Variants in ZSWIM6 observed in about 807,000 individuals in gnomAD.
ZSWIM6 encodes zinc finger SWIM domain-containing protein 6.
A neutral mutation model predicts 113.2 loss-of-function variants in ZSWIM6; 9 were observed. The observed-to-expected ratio is 0.08, with a 90% CI of 0.05 to 0.14. ZSWIM6 has a LOEUF of 0.14. Among genes scored for constraint, ZSWIM6 ranks in the 10% least tolerant of loss-of-function variants. The pLI, the probability that ZSWIM6 is intolerant of heterozygous loss-of-function variation, is 1.00. For missense variants in ZSWIM6, 1,162 were observed against 1,552.2 expected, an observed-to-expected ratio of 0.75 and a Z score of 4.22; for synonymous variants, 611 against 606.5, an observed-to-expected ratio of 1.01 and a Z score of -0.11.
At chr5:61,335,709 T>A (rs1744377159) in intron 1 of ZSWIM6, among the ~76,000 whole-genome samples, 1 of 152,246 alleles carries the variant, frequency 6.6e-6, no homozygotes, top group African/African-American at 2.4e-5. Flanking sequence ...GACTAAATTA[T>A]AGCTACAATA....
intron 1 of ZSWIM6, among the ~76,000 whole-genome samples, chr5:61,429,207 G>A (rs867020388): frequency 5.9e-5 from 9 of 152,322 alleles, no homozygotes; most frequent in Middle Eastern, 6.8e-3. Context: ...TCCCCTACAG[G>A]GGGTAGGGTT....
rs545183477 is a variant in ZSWIM6 at position 61,544,392 on chromosome 5, C to T, written c.*75C>T. On this transcript the variant is annotated 3_prime_UTR_variant, in exon 14 of 14. Transcript: ENST00000252744. ...TTTTTACTTGAGCCTGCCTTTGTAC[C>T]CTTTTTAACTTAAAGAACAGAGCCA... 9 of 1,029,608 alleles carry T rather than the reference C, an allele frequency of 8.7e-6. No homozygotes were observed. The South Asian group carries it at 1.4e-4, about 16-fold the overall frequency. 63.8% of individuals were successfully genotyped at this position (1,029,608 alleles called of 1,614,324 possible). A position where few individuals can be genotyped will look rare whatever the true frequency, so the allele number is the denominator to read the frequency against.
rs1460695319 is a variant in ZSWIM6 at position 61,435,687 on chromosome 5, CT to C, written c.677-36993del. Among the ~76,000 whole-genome samples the C allele has an allele frequency of 5.6e-4, 86 of 152,268 alleles. 2 individuals are homozygous for C. The highest frequency in any genetic ancestry group is 1.9e-3 in the African/African-American group (81 of 41,552). ...ACTGAGTTATGCATATTTTAAACAA[CT>C]GTTACGGATTACATTTTAAAATTAT... On this transcript the variant is annotated intron_variant, in intron 1 of 13. Transcript: ENST00000252744.
intron 1 of ZSWIM6, among the ~76,000 whole-genome samples, chr5:61,353,029 G>T (rs1744824795): frequency 6.6e-6 from 1 of 152,102 alleles, no homozygotes; most frequent in Non-Finnish European, 1.5e-5. Flanking sequence ...TTCCCCGTCT[G>T]TTGATCTGTG....
At chr5:61,378,558 TA>T (rs991853135) in intron 1 of ZSWIM6, among the ~76,000 whole-genome samples, 88 of 143,636 alleles carry the variant, frequency 6.1e-4, no homozygotes, top group Middle Eastern at 3.6e-3. Context: ...ACCTTTCAGA[TA>T]TTTTTTTTTT....
At chr5:61,523,750 T>C (rs1382688715) in intron 5 of ZSWIM6, among the ~76,000 whole-genome samples, 3 of 152,238 alleles carry the variant, frequency 2.0e-5, no homozygotes, top group Non-Finnish European at 4.4e-5. Context: ...ATTTTATGTG[T>C]TTCCCATATT....
In ZSWIM6 at chr5:61,484,667, A is replaced by G. The variant is rs182509394; in HGVS notation, c.1034-6119A>G. ...TTCTGTGGGATACAGTTATAGACCT[A>G]GTAGTTAACTTCGCATCATTGTGTG... On this transcript the variant is annotated intron_variant, in intron 2 of 13. Coordinates refer to ENST00000252744, the MANE Select transcript of ZSWIM6 (RefSeq NM_020928.2). 4.7e-4 allele frequency among the ~76,000 whole-genome samples: 72 copies of G among 152,326 alleles called. 1 individual carries two copies. The highest frequency in any genetic ancestry group is 2.0e-3 in the Admixed American group (31 of 15,302).
At chr5:61,505,613 T>TCCTC (rs1748581901) in intron 4 of ZSWIM6, among the ~76,000 whole-genome samples, 1 of 50,376 alleles carries the variant, frequency 2.0e-5, no homozygotes, top group Non-Finnish European at 4.5e-5. Context: ...CTTCCTTCCT[T>TCCTC]CCTTCCTTCC....
At chr5:61,505,315 T>C (rs1748573030) in intron 4 of ZSWIM6, among the ~76,000 whole-genome samples, 2 of 152,176 alleles carry the variant, frequency 1.3e-5, no homozygotes, top group South Asian at 2.1e-4. Context: ...TTGTGCCTTT[T>C]TTTCTTTTCT....
At chr5:61,374,690 A>T (rs1042868742) in intron 1 of ZSWIM6, among the ~76,000 whole-genome samples, 3 of 152,038 alleles carry the variant, frequency 2.0e-5, no homozygotes, top group South Asian at 4.1e-4. Flanking sequence ...AGTAGCTGGG[A>T]CTACAGGCGC....
chr5:61,482,356 G>T (rs1051401817), intron 2 of ZSWIM6, among the ~76,000 whole-genome samples: 1 of 148,218 alleles, frequency 6.7e-6, no homozygotes, highest in Non-Finnish European at 1.5e-5. Context: ...TGGGGAGCGT[G>T]GGGGGTTAGG....
chr5:61,543,954 C>T lies in ZSWIM6; in HGVS notation c.3285C>T (p.Val1095=). The T allele has an allele frequency of 1.9e-6, 3 of 1,551,802 alleles. No homozygotes were observed. Among genetic ancestry groups the T allele is most frequent in the Non-Finnish European group, 2.6e-6 (3 of 1,147,016 alleles). ...NELAAIIPLV[V]KSVKCATVLS... The stretch of plus-strand genomic sequence containing the variant: ...TTGCAGCTATAATACCTCTGGTGGT[C>T]AAGAGTGTCAAGTGTGCAACGGTAC... Residue 1095 remains valine, a synonymous_variant, in exon 14 of 14, where the codon GTC becomes GTT. Transcript: ENST00000252744. The surrounding 1 kb of genome is among the most constrained non-coding windows in gnomAD (Gnocchi z 4.3).
intron 1 of ZSWIM6, among the ~76,000 whole-genome samples, chr5:61,369,941 A>G (rs1416981728): frequency 6.6e-6 from 1 of 152,208 alleles, no homozygotes; most frequent in African/African-American, 2.4e-5. Context: ...AGATTTTACC[A>G]AAAAACAAAC....
At chr5:61,450,310 T>C (rs1747059749) in intron 1 of ZSWIM6, among the ~76,000 whole-genome samples, 1 of 152,220 alleles carries the variant, frequency 6.6e-6, no homozygotes, top group African/African-American at 2.4e-5. Flanking sequence ...AAATGGGTAC[T>C]GCTGAAGGCA....
chr5:61,514,193 T>C (rs1748870499), intron 4 of ZSWIM6, among the ~76,000 whole-genome samples: 3 of 152,054 alleles, frequency 2.0e-5, no homozygotes, highest in Non-Finnish European at 4.4e-5. Flanking sequence ...CTAAGATAAA[T>C]AGTACTTTGT....
At chr5:61,446,115 C>T (rs560392186) in intron 1 of ZSWIM6, among the ~76,000 whole-genome samples, 1 of 152,314 alleles carries the variant, frequency 6.6e-6, no homozygotes, top group African/African-American at 2.4e-5. Context: ...CAACCTCCAC[C>T]TCCCGGGTTC....
At chr5:61,505,699 CCTTCCTCCCTT>C (rs1748596702) in intron 4 of ZSWIM6, among the ~76,000 whole-genome samples, 1,227 of 99,468 alleles carry the variant, frequency 0.012, 75 homozygotes, top group Non-Finnish European at 0.021. Context: ...TCCCTCCCTT[CCTTCCTCCCTT>C]CCTTCCTTCC....
rs144331462 is a variant in ZSWIM6 at position 61,391,811 on chromosome 5, G to A, written c.676+58863G>A. The A allele has an allele frequency of 1.4e-3, 1,157 of 837,486 alleles. 12 individuals carry two copies. The African/African-American group carries it at 0.016, about 12-fold the overall frequency. The allele number at this position is 837,486 out of a possible 1,614,324, so 51.9% of individuals were successfully genotyped here. ...ACCTTCCCATGATGCTTCCTGCTGCGCTGCTGAGGCAGGAAGCCGAGGGAC... is the reference window on the plus strand; with the variant it reads ...ACCTTCCCATGATGCTTCCTGCTGCACTGCTGAGGCAGGAAGCCGAGGGAC... On this transcript the variant is annotated intron_variant, in intron 1 of 13. Coordinates refer to ENST00000252744, the MANE Select transcript of ZSWIM6 (RefSeq NM_020928.2).
intron 1 of ZSWIM6, among the ~76,000 whole-genome samples, chr5:61,408,431 T>C (rs530185537): frequency 6.6e-6 from 1 of 152,254 alleles, no homozygotes; most frequent in African/African-American, 2.4e-5. Context: ...ATACGTTGTT[T>C]TAATAAAATG....
Sources: allele counts gnomAD v4.1 joint callset (sites outside exome capture counted in the v4.1 genomes callset), GRCh38; gene constraint gnomAD v4.1.1; non-coding constraint Gnocchi (gnomAD v3.1); transcripts MANE v1.5; gene names NCBI Gene and HGNC (gene_info 2026-07-23, HGNC 2026-07-21).